The following DCAF1 variants were observed in gnomAD, a reference collection of about 807,000 sequenced individuals.
The protein encoded by DCAF1 is DDB1- and CUL4-associated factor 1.
DCAF1 carries 15 observed loss-of-function variants against 128.0 expected under a neutral mutation model. The observed-to-expected ratio is 0.12, with a 90% CI of 0.08 to 0.18. DCAF1 has a LOEUF of 0.18. Among genes scored for constraint, DCAF1 ranks in the 10% least tolerant of loss-of-function variants. The probability of loss-of-function intolerance (pLI) is 1.00; values close to 1 mark genes in which losing one functional copy is unlikely to be tolerated. For missense variants in DCAF1, 988 were observed against 1,649.5 expected (o/e 0.60, Z 6.95); for synonymous variants, 610 against 603.0 (o/e 1.01, Z -0.17).
intron 3 of DCAF1, among the ~76,000 whole-genome samples, chr3:51,473,661 A>C (rs2098240795): frequency 1.3e-5 from 2 of 151,912 alleles, no homozygotes; most frequent in Non-Finnish European, 2.9e-5. Context: ...GACTACAGGA[A>C]CACCACCATG....
rs185614262 is a variant in DCAF1 at position 51,424,270 on chromosome 3, G to A, written c.1848-1839C>T. ...CAAAAATTAGCTGGGCATGGTAGTG[G>A]GCGCCTGTAGTCCCAGTTACTCAGG... On this transcript the variant is annotated intron_variant, in intron 13 of 24. Transcript: ENST00000684031. Among the ~76,000 whole-genome samples, 467 of 151,954 alleles carry A rather than the reference G, an allele frequency of 3.1e-3. 1 individual carries two copies. The highest frequency in any genetic ancestry group is 4.9e-3 in the Non-Finnish European group (331 of 67,938).
chr3:51,420,090 G>T lies in DCAF1; in HGVS notation c.2880C>A (p.Ile960=), dbSNP rs782118707. 6.2e-7 allele frequency: 1 copy of T among 1,614,022 alleles called. No individual in the cohort carries two copies. The highest frequency in any genetic ancestry group is 1.1e-5 in the South Asian group (1 of 91,092). The change falls in exon 15 of 25, where the codon ATC becomes ATA. Residue 960 remains isoleucine (I), a synonymous_variant. Coordinates refer to ENST00000684031, the MANE Select transcript of DCAF1 (RefSeq NM_001387579.1). This position sits in a 1 kb window ranked among gnomAD's most constrained non-coding sequence, Gnocchi z 6.5. The stretch of plus-strand genomic sequence containing the variant: ...CATTGCAGGGTGATGGCCTCTCTCT[G>T]ATAAAACTGATTCTACCAATCAAAG... The part of the protein sequence containing the change: ...NSPLIGRISF[I]RERPSPCNGR...
At chr3:51,424,306 A>G (rs940160338) in intron 13 of DCAF1, among the ~76,000 whole-genome samples, 1 of 152,022 alleles carries the variant, frequency 6.6e-6, no homozygotes, top group Admixed American at 6.6e-5. Flanking sequence ...AGGCTGAAGC[A>G]GGAGAATCGC....
intron 3 of DCAF1, among the ~76,000 whole-genome samples, chr3:51,479,879 G>C (rs1210037936): frequency 4.6e-5 from 7 of 151,954 alleles, no homozygotes; most frequent in Non-Finnish European, 1.0e-4. Context: ...TGAATGACAG[G>C]AGTATTAAAA....
At chr3:51,468,346 A>G (rs6774745) in intron 4 of DCAF1, among the ~76,000 whole-genome samples, 114,439 of 151,808 alleles carry the variant, frequency 0.75, 44,100 homozygotes, top group Middle Eastern at 0.85. Flanking sequence ...TAATTCCTGT[A>G]TTTTTAGTAG....
At chr3:51,488,057 G>A (rs1198551576) in intron 2 of DCAF1, among the ~76,000 whole-genome samples, 10 of 151,302 alleles carry the variant, frequency 6.6e-5, no homozygotes, top group African/African-American at 2.4e-4. Flanking sequence ...TAGAGACGGG[G>A]TTTCACCATG....
At chr3:51,474,735 G>A (rs532455720) in intron 3 of DCAF1, among the ~76,000 whole-genome samples, 92 of 148,896 alleles carry the variant, frequency 6.2e-4, no homozygotes, top group African/African-American at 1.2e-3. Context: ...ATCCTCCTGC[G>A]TCAGCTTCCC....
chr3:51,457,115 G>A (rs1228879023), intron 6 of DCAF1, among the ~76,000 whole-genome samples: 3 of 152,106 alleles, frequency 2.0e-5, no homozygotes, highest in South Asian at 2.1e-4. Flanking sequence ...AAACTACTCC[G>A]AGCTACAGGA....
intron 9 of DCAF1, among the ~76,000 whole-genome samples, chr3:51,435,273 G>C (rs920884041): frequency 1.0e-3 from 159 of 152,198 alleles, no homozygotes; most frequent in South Asian, 3.5e-3. Context: ...TTCAGGACCA[G>C]AAATTGCAAC....
upstream of DCAF1, among the ~76,000 whole-genome samples, chr3:51,501,244 A>C (rs1333802279): frequency 6.6e-6 from 1 of 152,186 alleles, no homozygotes; most frequent in Non-Finnish European, 1.5e-5. Context: ...CTCACAGGTC[A>C]CTTAATTCAA....
At chr3:51,456,148 C>A (rs1418399921) in intron 6 of DCAF1, among the ~76,000 whole-genome samples, 1 of 152,184 alleles carries the variant, frequency 6.6e-6, no homozygotes, top group Non-Finnish European at 1.5e-5. Flanking sequence ...AGGGAATTCC[C>A]TTTCCTAGTC....
intron 10 of DCAF1, among the ~76,000 whole-genome samples, chr3:51,430,549 CA>C (rs11440329): frequency 0.96 from 146,439 of 152,256 alleles, 70,702 homozygotes; most frequent in Non-Finnish European, 1. Flanking sequence ...GGAACTTCTC[CA>C]AATGTGATAA....
intron 23 of DCAF1, among the ~76,000 whole-genome samples, chr3:51,405,545 T>G (rs1441017744): frequency 6.6e-6 from 1 of 152,222 alleles, no homozygotes; most frequent in African/African-American, 2.4e-5. Flanking sequence ...TCTACCTGAA[T>G]CTCAAGTTGA....
chr3:51,473,277 C>A (rs1444436171), intron 3 of DCAF1, among the ~76,000 whole-genome samples: 27 of 145,628 alleles, frequency 1.9e-4, no homozygotes, highest in Non-Finnish European at 2.6e-4. Flanking sequence ...AAAAAAAAAA[C>A]AAGAAAAATT....
chr3:51,422,599 T>C (rs1185725314), intron 13 of DCAF1, among the ~76,000 whole-genome samples, 168 bp from the exon 14 acceptor site: 2 of 152,212 alleles, frequency 1.3e-5, no homozygotes, highest in South Asian at 2.1e-4. Flanking sequence ...GAGGATTTTA[T>C]AGTCACCATG....
At chr3:51,503,634 T>A (rs2108658540), upstream of DCAF1, among the ~76,000 whole-genome samples, 1 of 152,242 alleles carries the variant, frequency 6.6e-6, no homozygotes. Flanking sequence ...AATTAGAGGC[T>A]TAAGGCTACC....
intron 17 of DCAF1, among the ~76,000 whole-genome samples, chr3:51,417,538 G>GT (rs1225310065): frequency 6.6e-6 from 1 of 152,078 alleles, no homozygotes; most frequent in Admixed American, 6.6e-5. Flanking sequence ...GGCTAACACA[G>GT]TGAAACGCTG....
Position 51,439,433 on chromosome 3 carries a change from G to A in DCAF1, c.1128+1537C>T, listed in dbSNP as rs1210848757. ...GTGAGCTAACGTGCCTGGCCTGTCT[G>A]CTATTTCTATTTTTTTTTTTTTTTT... On this transcript the variant is annotated intron_variant, in intron 9 of 24. Transcript: ENST00000684031. Among the ~76,000 whole-genome samples, 3 of 132,430 alleles carry A rather than the reference G, an allele frequency of 2.3e-5. No homozygotes were observed. The East Asian group carries it at 6.8e-4, about 30-fold the overall frequency. The allele number at this position is 132,430 out of a possible 152,430, so 86.9% of individuals were successfully genotyped here. A position where few individuals can be genotyped will look rare whatever the true frequency, so the allele number is the denominator to read the frequency against.
chr3:51,490,196 G>A (rs892937389), intron 2 of DCAF1, among the ~76,000 whole-genome samples: 4 of 152,028 alleles, frequency 2.6e-5, no homozygotes, highest in Admixed American at 2.0e-4. Flanking sequence ...TGGGTGGATT[G>A]CTTGAGCTCA....
Sources: allele counts gnomAD v4.1 joint callset (sites outside exome capture counted in the v4.1 genomes callset), GRCh38; gene constraint gnomAD v4.1.1; non-coding constraint Gnocchi (gnomAD v3.1); transcripts MANE v1.5; gene names NCBI Gene and HGNC (gene_info 2026-07-23, HGNC 2026-07-21).